DCPH1: variants seen among roughly 807,000 people sequenced by gnomAD.
DCPH1 encodes the protein damage-control phosphatase 1.
the DCPH1 span, among the ~76,000 whole-genome samples, chr6:151,453,100 C>T: frequency 3.9e-5 from 6 of 152,270 alleles, no homozygotes; most frequent in Admixed American, 3.3e-4. Context: ...TGAAATTTGT[C>T]CTTACTTCAA....
the DCPH1 span, among the ~76,000 whole-genome samples, chr6:151,456,099 T>A: frequency 3.7e-4 from 56 of 152,218 alleles, 1 homozygote; most frequent in Non-Finnish European, 1.0e-4. Flanking sequence ...AGAATTTTTC[T>A]TAGTACAGAA....
the DCPH1 span, among the ~76,000 whole-genome samples, chr6:151,453,199 A>G: frequency 2.2e-4 from 33 of 152,342 alleles, no homozygotes; most frequent in African/African-American, 7.2e-4. Context: ...ATGGCCCCAA[A>G]TTGAGGCAGT....
At chr6:151,452,474 T>C in the DCPH1 span, 56 of 1,557,236 alleles carry the variant, frequency 3.6e-5, no homozygotes, top group Non-Finnish European at 4.7e-5. Flanking sequence ...CAGCTCCTCC[T>C]TCGCGGCGGT....
the DCPH1 span, chr6:151,458,210 A>C: frequency 7.6e-7 from 1 of 1,308,640 alleles, no homozygotes; most frequent in Admixed American, 2.3e-5. Context: ...TGTTTAAAGA[A>C]ATAAAATGTA....
chr6:151,469,104 C>T, the DCPH1 span: 6 of 1,604,366 alleles, frequency 3.7e-6, no homozygotes, highest in Non-Finnish European at 5.1e-6. Flanking sequence ...ACGATGGTCC[C>T]CTTTGACTTG....
the DCPH1 span, among the ~76,000 whole-genome samples, chr6:151,465,962 A>G: frequency 1.3e-5 from 2 of 152,246 alleles, no homozygotes; most frequent in African/African-American, 4.8e-5. Context: ...TCTGTTGCCC[A>G]GGTTGTAGTG....
At chr6:151,466,601 T>C in the DCPH1 span, among the ~76,000 whole-genome samples, 2 of 152,144 alleles carry the variant, frequency 1.3e-5, no homozygotes, top group Non-Finnish European at 2.9e-5. Flanking sequence ...GTCATAGCAC[T>C]CTCCCACTGT....
At chr6:151,458,590 A>G in the DCPH1 span, 23 of 1,567,230 alleles carry the variant, frequency 1.5e-5, no homozygotes, top group South Asian at 2.4e-4. Context: ...TGTAATCATC[A>G]ACTATCAAAT....
the DCPH1 span, among the ~76,000 whole-genome samples, chr6:151,467,614 A>C: frequency 5.9e-5 from 9 of 152,142 alleles, no homozygotes; most frequent in Non-Finnish European, 1.0e-4. Context: ...TAGAGAGCTT[A>C]AGTAATTTGT....
the DCPH1 span, chr6:151,458,276 A>G: frequency 6.4e-7 from 1 of 1,564,456 alleles, no homozygotes; most frequent in African/African-American, 1.4e-5. Context: ...ACCCTAGAGG[A>G]ATTGCACAGA....
the DCPH1 span, among the ~76,000 whole-genome samples, chr6:151,457,086 C>T: frequency 5.3e-5 from 8 of 152,308 alleles, no homozygotes; most frequent in East Asian, 1.5e-3. Context: ...CCTTGGGCCT[C>T]ATGTGTTCTA....
chr6:151,454,216 C>A, the DCPH1 span, among the ~76,000 whole-genome samples: 1 of 152,162 alleles, frequency 6.6e-6, no homozygotes, highest in Non-Finnish European at 1.5e-5. Flanking sequence ...TGTTTGATTT[C>A]TAAGCTAATC....
At chr6:151,458,288 AC>A in the DCPH1 span, 35 of 1,578,852 alleles carry the variant, frequency 2.2e-5, no homozygotes, top group Middle Eastern at 1.7e-4. Context: ...TTGCACAGAC[AC>A]ACACACACAC....
At chr6:151,460,507 C>T in the DCPH1 span, among the ~76,000 whole-genome samples, 7 of 150,980 alleles carry the variant, frequency 4.6e-5, no homozygotes, top group South Asian at 2.1e-4. Flanking sequence ...TGGTGCAGGC[C>T]GGGTGCGGTG....
the DCPH1 span, chr6:151,458,324 G>A: frequency 6.2e-7 from 1 of 1,606,372 alleles, no homozygotes; most frequent in Non-Finnish European, 8.5e-7. Flanking sequence ...TTGTATTTTT[G>A]CAGGAAGGCG....
chr6:151,464,400 G>T, the DCPH1 span: 1 of 1,341,556 alleles, frequency 7.5e-7, no homozygotes, highest in South Asian at 1.3e-5. Context: ...AAGAACTGCA[G>T]TTATCCAAAT....
the DCPH1 span, among the ~76,000 whole-genome samples, chr6:151,465,408 T>A: frequency 3.3e-5 from 5 of 151,964 alleles, no homozygotes; most frequent in East Asian, 7.7e-4. Context: ...GGAGAAGGGA[T>A]CAGGGCTGCC....
At chr6:151,465,039 T>G in the DCPH1 span, among the ~76,000 whole-genome samples, 1 of 152,222 alleles carries the variant, frequency 6.6e-6, no homozygotes, top group Non-Finnish European at 1.5e-5. Flanking sequence ...GTGAGGATAA[T>G]GTGTACTGTG....
the DCPH1 span, among the ~76,000 whole-genome samples, chr6:151,466,757 A>G: frequency 6.6e-6 from 1 of 152,184 alleles, no homozygotes; most frequent in Non-Finnish European, 1.5e-5. Flanking sequence ...ACAAAGAGCT[A>G]TGCCATTACA....
Sources: allele counts gnomAD v4.1 joint callset (sites outside exome capture counted in the v4.1 genomes callset), GRCh38; gene constraint gnomAD v4.1.1; transcripts MANE v1.5; gene names NCBI Gene and HGNC (gene_info 2026-07-23, HGNC 2026-07-21).